MYO3B: variants seen among roughly 807,000 people sequenced by gnomAD.
The protein encoded by MYO3B is myosin IIIB, also known as myosin-IIIb.
A neutral mutation model predicts 174.6 loss-of-function variants in MYO3B; 156 were observed. The ratio of observed to expected loss-of-function variants is 0.89; its 90% CI spans 0.78 to 1.02. The LOEUF (loss-of-function observed/expected upper bound fraction) is 1.02, where lower values mean the gene tolerates loss of function less well. Among genes scored for constraint, MYO3B ranks in the 50% least tolerant of loss-of-function variants. The pLI is 0.00. For missense variants in MYO3B, 1,632 were observed against 1,639.4 expected (o/e 1.00, Z 0.08); for synonymous variants, 563 against 569.1 (o/e 0.99, Z 0.15).
intron 32 of MYO3B, among the ~76,000 whole-genome samples, chr2:170,620,487 G>T (rs1321702593): frequency 6.6e-6 from 1 of 152,156 alleles, no homozygotes; most frequent in Non-Finnish European, 1.5e-5. Context: ...ACTGCAAAGG[G>T]TCTGAGATTT....
intron 25 of MYO3B, among the ~76,000 whole-genome samples, chr2:170,493,839 A>G (rs1686660868): frequency 6.6e-6 from 1 of 151,822 alleles, no homozygotes; most frequent in African/African-American, 2.4e-5. Context: ...CCCACGTGGC[A>G]AGGAGCTGAG....
intron 25 of MYO3B, among the ~76,000 whole-genome samples, chr2:170,491,280 TG>T (rs1381342581): frequency 2.0e-5 from 3 of 152,290 alleles, no homozygotes; most frequent in Admixed American, 2.0e-4. Flanking sequence ...ATTTTCTTTT[TG>T]ATTTTTTCTC....
intron 22 of MYO3B, among the ~76,000 whole-genome samples, chr2:170,422,481 T>C (rs1574955112): frequency 1.3e-5 from 2 of 149,456 alleles, no homozygotes; most frequent in African/African-American, 4.9e-5. Flanking sequence ...TTTTTTGAGA[T>C]GGAGTCTCTC....
At chr2:170,601,443 A>AG (rs1694503405) in intron 32 of MYO3B, among the ~76,000 whole-genome samples, 1 of 152,230 alleles carries the variant, frequency 6.6e-6, no homozygotes, top group African/African-American at 2.4e-5. Context: ...AGGGCTATCT[A>AG]AAGACACATT....
chr2:170,456,909 C>G (rs912091967), intron 23 of MYO3B, among the ~76,000 whole-genome samples: 3 of 152,204 alleles, frequency 2.0e-5, no homozygotes, highest in African/African-American at 7.2e-5. Context: ...TTACACAAAC[C>G]TAGATGGTAT....
chr2:170,582,126 A>T (rs1420428063), intron 32 of MYO3B, among the ~76,000 whole-genome samples: 3 of 152,244 alleles, frequency 2.0e-5, no homozygotes, highest in African/African-American at 7.2e-5. Context: ...TCTTTCATGC[A>T]ACATAACTTC....
intron 7 of MYO3B, among the ~76,000 whole-genome samples, chr2:170,292,827 A>G (rs4668237): frequency 0.68 from 103,139 of 152,046 alleles, 35,127 homozygotes; most frequent in Admixed American, 0.73. Flanking sequence ...GTTACAGTAC[A>G]GTTTCCAGGA....
At chr2:170,249,753 T>A (rs554348835) in intron 7 of MYO3B, among the ~76,000 whole-genome samples, 3 of 152,318 alleles carry the variant, frequency 2.0e-5, no homozygotes, top group Admixed American at 6.5e-5. Context: ...ACTTGTGGGT[T>A]CAGTTCTAGA....
At chr2:170,331,414 A>T (rs1211193103) in intron 7 of MYO3B, among the ~76,000 whole-genome samples, 1 of 152,198 alleles carries the variant, frequency 6.6e-6, no homozygotes, top group Non-Finnish European at 1.5e-5. Context: ...ACATTGGAGT[A>T]GTATGGGTAT....
chr2:170,589,934 T>C (rs759380), intron 32 of MYO3B, among the ~76,000 whole-genome samples: 51,924 of 152,068 alleles, frequency 0.34, 10,585 homozygotes, highest in African/African-American at 0.56. Flanking sequence ...ATTTTTACTG[T>C]GCCTTTTCTA....
intron 1 of MYO3B, among the ~76,000 whole-genome samples, chr2:170,194,997 G>A (rs1392621130): frequency 2.0e-5 from 3 of 151,944 alleles, no homozygotes; most frequent in Non-Finnish European, 2.9e-5. Context: ...GCCCTTCCGC[G>A]TTCTTCTGCT....
At chr2:170,255,912 G>A (rs1447414635) in intron 7 of MYO3B, among the ~76,000 whole-genome samples, 1 of 152,198 alleles carries the variant, frequency 6.6e-6, no homozygotes, top group Non-Finnish European at 1.5e-5. Context: ...GTTGATACAA[G>A]AGTTGGAAGA....
rs776780514 is a variant in MYO3B, at chr2:170,391,605, GA to G, written c.1668del (p.Lys556AsnfsTer6). The G allele has an allele frequency of 1.0e-5, 16 of 1,577,790 alleles. No homozygotes were observed. In the African/African-American group the frequency reaches 1.5e-4, roughly 15 times the overall value. ...KKLSDFRLPE[E>X]KPPRYIADET... The stretch of plus-strand genomic sequence containing the variant: ...GCTTTCTGATTTCAGACTTCCTGAG[GA>G]AAAACCTCCTAGGTAAGTGTCAGGG... On this transcript the variant is annotated frameshift_variant, in exon 15 of 35. Coordinates refer to ENST00000408978, the MANE Select transcript of MYO3B (RefSeq NM_138995.5). LOFTEE classifies it high-confidence loss of function.
chr2:170,442,659 C>T (rs184808920), intron 22 of MYO3B, among the ~76,000 whole-genome samples: 3 of 152,128 alleles, frequency 2.0e-5, no homozygotes, highest in East Asian at 1.9e-4. Context: ...CCACTCCCCC[C>T]ACTCCCCGAC....
chr2:170,186,240 C>G (rs2092460623), intron 1 of MYO3B, among the ~76,000 whole-genome samples: 1 of 152,088 alleles, frequency 6.6e-6, no homozygotes, highest in Admixed American at 6.6e-5. Flanking sequence ...CAATGTTTCC[C>G]CATTCAGTAT....
chr2:170,551,898 T>C (rs959424034), intron 32 of MYO3B, among the ~76,000 whole-genome samples: 12 of 95,868 alleles, frequency 1.3e-4, no homozygotes, highest in Non-Finnish European at 1.9e-4. Flanking sequence ...TCTGGTTGTT[T>C]AAAAGTGTGT....
In MYO3B at chr2:170,424,510, G is replaced by A. The variant is rs554374036; in HGVS notation, c.2650+16666G>A. 2.1e-3 allele frequency among the ~76,000 whole-genome samples: 316 copies of A among 152,138 alleles called. 2 individuals carry two copies. Among genetic ancestry groups the A allele is most frequent in the Non-Finnish European group, 3.9e-3 (262 of 67,990 alleles). ...TGCGTGCCTGTGGTCCTGGCTACTC[G>A]GGAGGCTGAGGCAGGAGAATCGCTT... is the stretch of plus-strand genomic sequence containing the variant. On this transcript the variant is annotated intron_variant, in intron 22 of 34. Coordinates refer to ENST00000408978, the MANE Select transcript of MYO3B (RefSeq NM_138995.5).
intron 9 of MYO3B, among the ~76,000 whole-genome samples, chr2:170,372,911 G>A (rs2094259493): frequency 6.6e-6 from 1 of 152,142 alleles, no homozygotes; most frequent in Admixed American, 6.5e-5. Context: ...TGGGGAATCT[G>A]GTGAACAATT....
chr2:170,624,603 T>A (rs1034015151), intron 32 of MYO3B, among the ~76,000 whole-genome samples: 2 of 152,174 alleles, frequency 1.3e-5, no homozygotes, highest in African/African-American at 2.4e-5. Flanking sequence ...CAACACTATG[T>A]TGGATAGGAG....
Sources: allele counts gnomAD v4.1 joint callset (sites outside exome capture counted in the v4.1 genomes callset), GRCh38; gene constraint gnomAD v4.1.1; transcripts MANE v1.5; gene names NCBI Gene and HGNC (gene_info 2026-07-23, HGNC 2026-07-21).